Variants in LIAS observed in about 807,000 individuals in gnomAD.
The protein encoded by LIAS is lipoic acid synthetase, also known as lipoyl synthase, mitochondrial.
Under a neutral mutation model 49.4 loss-of-function variants are expected in LIAS, and 36 were observed. That is an observed-to-expected ratio of 0.73 (90% CI 0.56 to 0.96). The LOEUF is 0.96. LIAS is among the 40% of genes least tolerant of loss of function. The pLI is 0.00. For synonymous variants in LIAS, 145 were observed against 155.8 expected (o/e 0.93, Z 0.52); for missense variants, 399 against 456.3 (o/e 0.87, Z 1.14).
chr4:39,468,427 G>A (rs1744842003), intron 7 of LIAS: 1 of 150,550 alleles, frequency 6.6e-6, no homozygotes, highest in Non-Finnish European at 1.5e-5. Context: ...GTTGCAGTGA[G>A]GTGAGATTGC....
intron 3 of LIAS, 124 bp from the exon 4 acceptor site, chr4:39,463,401 T>C: frequency 7.9e-7 from 1 of 1,261,950 alleles, no homozygotes; most frequent in South Asian, 2.1e-5. Context: ...CATTTTTGAA[T>C]AGTGAATGTC....
Position 39,462,257 on chromosome 4 carries a change from A to G in LIAS, c.280A>G (p.Lys94Glu), listed in dbSNP as rs758718496. The change falls in exon 3 of 11, where the codon AAA becomes GAA. Residue 94 changes from lysine to glutamate, a missense_variant. Physicochemically the swap from Lys to Glu is moderately conservative, Grantham distance 56 (BLOSUM62 1). Coordinates refer to ENST00000640888, the MANE Select transcript of LIAS (RefSeq NM_006859.4). ...IPMGKNYNKLKNTLRNLNLHT... is the reference protein window; with the variant it reads ...IPMGKNYNKLENTLRNLNLHT... ...CATGGGGAAAAATTACAATAAACTG[A>G]AAAATACTTTGCGGAATTTAAATCT... The G allele has an allele frequency of 2.6e-6, 4 of 1,567,352 alleles. No homozygotes were observed. The highest frequency in any genetic ancestry group is 3.5e-6 in the Non-Finnish European group (4 of 1,158,706).
rs1398817947 is a variant in LIAS at position 39,477,154 on chromosome 4, A to C, written c.*39A>C. ...CCTTCAAGATCACAGAAATTTTTAA[A>C]ATTTGATTCCAGTTAATAACAGAGG... is the stretch of plus-strand genomic sequence containing the variant. On this transcript the variant is annotated 3_prime_UTR_variant, in exon 11 of 11. Coordinates refer to ENST00000640888, the MANE Select transcript of LIAS (RefSeq NM_006859.4). 6.6e-7 allele frequency: 1 copy of C among 1,508,176 alleles called. No homozygotes were observed. The highest frequency in any genetic ancestry group is 9.1e-7 in the Non-Finnish European group (1 of 1,095,336). The allele number at this position is 1,508,176 out of a possible 1,614,324, so 93.4% of individuals were successfully genotyped here. A position where few individuals can be genotyped will look rare whatever the true frequency, so the allele number is the denominator to read the frequency against.
intron 1 of LIAS, among the ~76,000 whole-genome samples, chr4:39,460,163 A>C (rs1372048875): frequency 1.3e-5 from 2 of 152,210 alleles, no homozygotes; most frequent in Non-Finnish European, 2.9e-5. Flanking sequence ...CAGTTATTGC[A>C]GTTCAATCTT....
At chr4:39,468,190 A>C (rs1209455446) in intron 7 of LIAS, 1 of 152,128 alleles carries the variant, frequency 6.6e-6, no homozygotes, top group African/African-American at 2.4e-5. Flanking sequence ...GACTTCAAAA[A>C]TATATTTGGC....
At chr4:39,460,727 T>C in intron 1 of LIAS, 63 bp from the exon 2 acceptor site, 2 of 1,391,414 alleles carry the variant, frequency 1.4e-6, no homozygotes, top group South Asian at 1.6e-5. Flanking sequence ...GGTGTTATGA[T>C]GGGTTAAAAC....
At chr4:39,467,215 AATT>A (rs758076322) in intron 6 of LIAS, 22 of 166,642 alleles carry the variant, frequency 1.3e-4, no homozygotes, top group Non-Finnish European at 2.3e-4. Flanking sequence ...AGTTTCTTGC[AATT>A]ATTTACTTTT....
chr4:39,472,424 C>T (rs547560920), intron 9 of LIAS, among the ~76,000 whole-genome samples: 1 of 152,248 alleles, frequency 6.6e-6, no homozygotes, highest in African/African-American at 2.4e-5. Flanking sequence ...TTATAAGTCC[C>T]AGTTTTCATT....
chr4:39,471,113 C>T, intron 8 of LIAS, 123 bp from the exon 9 acceptor site: 1 of 675,388 alleles, frequency 1.5e-6, no homozygotes, highest in South Asian at 1.7e-5. Context: ...TGTCTTATTC[C>T]CCAACATGAA....
intron 9 of LIAS, among the ~76,000 whole-genome samples, chr4:39,471,517 ATTT>A (rs766866733): frequency 1.3e-5 from 1 of 74,352 alleles, no homozygotes; most frequent in Non-Finnish European, 2.5e-5. Flanking sequence ...CATATATATA[ATTT>A]TTTTTTTTTT....
At position 39,462,226 on chromosome 4, in the gene LIAS, G is replaced by C; in HGVS notation, c.249G>C (p.Glu83Asp). ...RLRLPPWLKT[E>D]IPMGKNYNKL... ...GACTACCTCCATGGCTAAAGACAGAGATTCCCATGGGGAAAAATTACAATA... is the reference window on the plus strand; with the variant it reads ...GACTACCTCCATGGCTAAAGACAGACATTCCCATGGGGAAAAATTACAATA... The change falls in exon 3 of 11, where the codon GAG becomes GAC. Residue 83 changes from glutamate to aspartate, a missense_variant. Physicochemically the swap from Glu to Asp is conservative, Grantham distance 45 (BLOSUM62 2). This residue lies in a region of LIAS where 159 missense variants were observed against 147.6 expected (regional missense o/e 1.08). Coordinates refer to ENST00000640888, the MANE Select transcript of LIAS (RefSeq NM_006859.4). The C allele has an allele frequency of 6.4e-7, 1 of 1,561,136 alleles. No individual in the cohort carries two copies. The highest frequency in any genetic ancestry group is 8.6e-7 in the Non-Finnish European group (1 of 1,156,548).
At chr4:39,460,482 C>A (rs1744417356) in intron 1 of LIAS, among the ~76,000 whole-genome samples, 1 of 129,680 alleles carries the variant, frequency 7.7e-6, no homozygotes, top group Non-Finnish European at 1.6e-5. Flanking sequence ...TGCGGTGAGC[C>A]AAGATTGCGC....
intron 10 of LIAS, among the ~76,000 whole-genome samples, chr4:39,474,185 C>G (rs1315017922): frequency 6.6e-6 from 1 of 151,416 alleles, no homozygotes. Context: ...ATGGCATGAA[C>G]CCAGGAGGCC....
In LIAS at chr4:39,477,084, T is replaced by C; in HGVS notation, c.1088T>C (p.Leu363Pro). Reference protein sequence around the residue: ...YKAGEFFLKNLVAKRKTKDL With the variant: ...YKAGEFFLKNPVAKRKTKDL Reference sequence around the variant, plus strand: ...ATAGGTGAATTTTTCCTGAAAAATCTAGTGGCTAAAAGAAAAACAAAAGAC... The same window carrying C: ...ATAGGTGAATTTTTCCTGAAAAATCCAGTGGCTAAAAGAAAAACAAAAGAC... The change falls in exon 11 of 11, where the codon CTA becomes CCA. Residue 363 changes from leucine (L) to proline (P), a missense_variant. Leu to Pro is a moderately conservative substitution (Grantham distance 98). Coordinates refer to ENST00000640888, the MANE Select transcript of LIAS (RefSeq NM_006859.4). 2 of 1,598,258 alleles carry C rather than the reference T, an allele frequency of 1.3e-6. No individual in the cohort carries two copies. Among genetic ancestry groups the C allele is most frequent in the Non-Finnish European group, 1.7e-6 (2 of 1,173,358 alleles).
Position 39,459,136 on chromosome 4 carries a change from G to T in LIAS, c.19G>T (p.Asp7Tyr). 6.2e-7 allele frequency: 1 copy of T among 1,613,906 alleles called. No homozygotes were observed. The highest frequency in any genetic ancestry group is 8.5e-7 in the Non-Finnish European group (1 of 1,180,026). ...AGAGGAAATGTCTCTACGCTGCGGG[G>T]ATGCAGCCCGCACCCTGGGGCCCCG... MSLRCG[D>Y]AARTLGPRVF... is the part of the protein sequence containing the mutation. The change falls in exon 1 of 11, where the codon GAT becomes TAT. Residue 7 changes from aspartate (D) to tyrosine (Y), a missense_variant. Coordinates refer to ENST00000640888, the MANE Select transcript of LIAS (RefSeq NM_006859.4).
chr4:39,463,704 A>AT (rs978431922), intron 4 of LIAS, 99 bp downstream of exon 4: 1 of 1,416,216 alleles, frequency 7.1e-7, no homozygotes, highest in African/African-American at 1.5e-5. Context: ...CTCTGGTCAG[A>AT]TTTTTCATTA....
rs146030265 is a variant in LIAS, at chr4:39,470,130, C to A, written c.849C>A (p.Gly283=). 3.1e-6 allele frequency: 5 copies of A among 1,612,968 alleles called. No individual in the cohort carries two copies. The African/African-American group carries it at 4.0e-5, about 13-fold the overall frequency. ...AAACATCTATAATGTTGGGTTTAGGCGAGAATGATGAGCAAGTATATGCAA... is the reference window on the plus strand; with the variant it reads ...AAACATCTATAATGTTGGGTTTAGGAGAGAATGATGAGCAAGTATATGCAA... ...ISKTSIMLGL[G]ENDEQVYATM... is the part of the protein sequence containing the mutation. The change falls in exon 8 of 11, where the codon GGC becomes GGA. Residue 283 remains glycine, a synonymous_variant. Coordinates refer to ENST00000640888, the MANE Select transcript of LIAS (RefSeq NM_006859.4).
At chr4:39,473,076 T>A in intron 9 of LIAS, 24 bp from the exon 10 acceptor site, 1 of 1,333,172 alleles carries the variant, frequency 7.5e-7, no homozygotes, top group South Asian at 1.2e-5. Flanking sequence ...TAAAATCTGA[T>A]CAGAAGTAAT....
At position 39,460,939 on chromosome 4, in the gene LIAS, C is replaced by A; in HGVS notation, c.195C>A (p.Asn65Lys). ...GCACCTGGGATGAATATAAAGGAAACCTAAAACGCCAGAAAGGAGAAAGGT... is the reference window on the plus strand; with the variant it reads ...GCACCTGGGATGAATATAAAGGAAAACTAAAACGCCAGAAAGGAGAAAGGT... ...DRSTWDEYKG[N>K]LKRQKGERLR... The change falls in exon 2 of 11, where the codon AAC becomes AAA. Residue 65 changes from asparagine (N) to lysine (K), a missense_variant. Transcript: ENST00000640888. The A allele has an allele frequency of 6.3e-7, 1 of 1,595,464 alleles. No homozygotes were observed. Among genetic ancestry groups the A allele is most frequent in the Non-Finnish European group, 8.5e-7 (1 of 1,173,692 alleles).
Sources: allele counts gnomAD v4.1 joint callset (sites outside exome capture counted in the v4.1 genomes callset), GRCh38; gene constraint gnomAD v4.1.1; regional missense constraint gnomAD v4.1.1; transcripts MANE v1.5; gene names NCBI Gene and HGNC (gene_info 2026-07-23, HGNC 2026-07-21).